The following TRPC7 variants were observed in gnomAD, a reference collection of about 807,000 sequenced individuals.
TRPC7 encodes the protein transient receptor potential cation channel subfamily C member 7.
Under a neutral mutation model 90.1 loss-of-function variants are expected in TRPC7, and 42 were observed. That is an observed-to-expected ratio of 0.47 (90% CI 0.36 to 0.60). The LOEUF is 0.60. Among genes scored for constraint, TRPC7 ranks in the 20% least tolerant of loss-of-function variants. The pLI is 0.00. For missense variants in TRPC7, 955 were observed against 1,112.3 expected (o/e 0.86, Z 2.01); for synonymous variants, 451 against 436.3 (o/e 1.03, Z -0.42).
chr5:136,295,070 T>C (rs1758114666), intron 3 of TRPC7, among the ~76,000 whole-genome samples: 1 of 150,794 alleles, frequency 6.6e-6, no homozygotes, highest in South Asian at 2.1e-4. Flanking sequence ...TTCTTACTGA[T>C]AGGTGGGAAT....
chr5:136,351,524 G>A (rs1014243133), intron 2 of TRPC7, among the ~76,000 whole-genome samples: 1 of 152,188 alleles, frequency 6.6e-6, no homozygotes, highest in Admixed American at 6.5e-5. Context: ...GAAAGCTGGG[G>A]CAATAGGCTT....
At chr5:136,264,240 A>G (rs1756953357) in intron 5 of TRPC7, among the ~76,000 whole-genome samples, 1 of 152,198 alleles carries the variant, frequency 6.6e-6, no homozygotes, top group African/African-American at 2.4e-5. Context: ...GGAAGTCCTC[A>G]TTCAAGAGGT....
intron 3 of TRPC7, among the ~76,000 whole-genome samples, chr5:136,294,900 C>G (rs1397865387): frequency 6.6e-6 from 1 of 152,138 alleles, no homozygotes; most frequent in African/African-American, 2.4e-5. Context: ...AAATGTCCAG[C>G]AATGATAGAC....
intron 8 of TRPC7, among the ~76,000 whole-genome samples, chr5:136,227,210 T>G (rs913940569): frequency 6.6e-6 from 1 of 152,072 alleles, no homozygotes; most frequent in African/African-American, 2.4e-5. Flanking sequence ...AGCAGGTGTA[T>G]TTTGTCTAGA....
chr5:136,231,261 C>T, intron 8 of TRPC7, 93 bp downstream of exon 8: 2 of 1,152,028 alleles, frequency 1.7e-6, no homozygotes, highest in Non-Finnish European at 2.4e-6. Context: ...CATTTAACAA[C>T]ACATGGGCTT....
intron 4 of TRPC7, among the ~76,000 whole-genome samples, chr5:136,267,516 C>A (rs764420118): frequency 6.6e-6 from 1 of 152,086 alleles, no homozygotes; most frequent in African/African-American, 2.4e-5. Context: ...GAAATGTTAC[C>A]CAGGAGATAG....
At chr5:136,244,528 C>T (rs1348950698) in intron 7 of TRPC7, among the ~76,000 whole-genome samples, 1 of 152,236 alleles carries the variant, frequency 6.6e-6, no homozygotes, top group Middle Eastern at 3.2e-3. Flanking sequence ...GGCTTCCTTT[C>T]TCCTGTTTAT....
intron 7 of TRPC7, among the ~76,000 whole-genome samples, chr5:136,241,561 CCTTT>C (rs1458493454): frequency 2.0e-5 from 3 of 151,156 alleles, no homozygotes; most frequent in African/African-American, 4.9e-5. Flanking sequence ...TTCCTTCCTT[CCTTT>C]TTTTTTTTTT....
intron 2 of TRPC7, among the ~76,000 whole-genome samples, chr5:136,331,381 C>T (rs1759495215): frequency 1.3e-5 from 2 of 152,050 alleles, no homozygotes; most frequent in Admixed American, 1.3e-4. Context: ...AGCTCTGTGC[C>T]AGGGCCCTGG....
At chr5:136,317,591 C>G (rs897170853) in intron 2 of TRPC7, among the ~76,000 whole-genome samples, 19 of 152,344 alleles carry the variant, frequency 1.2e-4, no homozygotes, top group African/African-American at 4.6e-4. Flanking sequence ...TCAACTCTGG[C>G]ATCTCCTCTG....
chr5:136,226,311 G>A, intron 8 of TRPC7, 56 bp from the exon 9 acceptor site: 8 of 1,318,082 alleles, frequency 6.1e-6, no homozygotes, highest in Admixed American at 2.0e-5. Flanking sequence ...TAACAACGGA[G>A]CCCAACCTGA....
At chr5:136,261,576 C>T (rs557038076) in intron 5 of TRPC7, among the ~76,000 whole-genome samples, 2 of 152,282 alleles carry the variant, frequency 1.3e-5, no homozygotes, top group African/African-American at 2.4e-5. Context: ...CAGCAGCATT[C>T]GACATTGTCA....
intron 3 of TRPC7, among the ~76,000 whole-genome samples, chr5:136,308,867 T>A (rs929389648): frequency 1.3e-5 from 2 of 152,178 alleles, no homozygotes; most frequent in East Asian, 3.8e-4. Context: ...GCAGTCAGGC[T>A]CCCAGCCATA....
intron 11 of TRPC7, chr5:136,214,473 C>A (rs1755195444): frequency 6.6e-6 from 1 of 152,156 alleles, no homozygotes; most frequent in African/African-American, 2.4e-5. Context: ...ACAGTTTGAT[C>A]CATTTTGACA....
chr5:136,266,239 G>A lies in TRPC7; in HGVS notation c.1326C>T (p.Leu442=). The change falls in exon 5 of 12, where the codon CTC becomes CTT. Residue 442 remains leucine (L), a synonymous_variant. Transcript: ENST00000513104. ...GCTTACCTAAGACCCACTTCATAAT[G>A]AGCATTTCTGTCCAGGAGAACTGTG... ...KTTQFSWTEM[L]IMKWVLGMIW... 6.2e-7 allele frequency: 1 copy of A among 1,613,772 alleles called. No individual in the cohort carries two copies. Among genetic ancestry groups the A allele is most frequent in the South Asian group, 1.1e-5 (1 of 91,058 alleles).
chr5:136,213,387 A>T lies in TRPC7; in HGVS notation c.*48T>A, dbSNP rs774888798. ...CCAAGGATGGGGGCGAGGGCATCCA[A>T]CCTGGCCTTGGAATGCTGGTAGAAG... On this transcript the variant is annotated 3_prime_UTR_variant, in exon 12 of 12. Coordinates refer to ENST00000513104, the MANE Select transcript of TRPC7 (RefSeq NM_020389.3). 3.7e-6 allele frequency: 6 copies of T among 1,600,826 alleles called. No individual in the cohort carries two copies. The highest frequency in any genetic ancestry group is 5.1e-6 in the Non-Finnish European group (6 of 1,172,684).
At chr5:136,215,254 G>A (rs919501976) in intron 11 of TRPC7, among the ~76,000 whole-genome samples, 6 of 152,300 alleles carry the variant, frequency 3.9e-5, no homozygotes, top group South Asian at 2.1e-4. Context: ...ACCATGGAAT[G>A]AAGTACAGCA....
chr5:136,301,941 C>G (rs13156621), intron 3 of TRPC7, among the ~76,000 whole-genome samples: 18,372 of 152,232 alleles, frequency 0.12, 1,155 homozygotes, highest in African/African-American at 0.14. Context: ...CAGGTCCTCA[C>G]ACCGACCAGC....
At chr5:136,244,279 C>A (rs1349256935) in intron 7 of TRPC7, among the ~76,000 whole-genome samples, 1 of 152,040 alleles carries the variant, frequency 6.6e-6, no homozygotes, top group Non-Finnish European at 1.5e-5. Context: ...GATCCTTCCA[C>A]CTCAGCCTCC....
Sources: gnomAD v4.1 joint callset for allele counts (sites outside exome capture counted in the v4.1 genomes callset) on GRCh38, gnomAD v4.1.1 for gene constraint, MANE v1.5 for transcripts, NCBI Gene and HGNC (gene_info 2026-07-23, HGNC 2026-07-21) for gene names.